The following WARS2 variants were observed in gnomAD, a reference collection of about 807,000 sequenced individuals.
The protein encoded by WARS2 is tryptophan--tRNA ligase, mitochondrial.
In WARS2, 28 loss-of-function variants were observed where a neutral mutation model predicts 36.5. The observed-to-expected ratio is 0.77, with a 90% confidence interval of 0.57 to 1.05. WARS2 has a LOEUF of 1.05. Ranked by LOEUF, WARS2 falls within the 50% of genes least tolerant of loss-of-function variation. WARS2 has a pLI of 0.00. For missense variants in WARS2, 435 were observed against 456.8 expected (o/e 0.95, Z 0.44); for synonymous variants, 174 against 178.4 (o/e 0.98, Z 0.20).
At chr1:119,131,195 G>A (rs191758332) in intron 1 of WARS2, among the ~76,000 whole-genome samples, 1 of 152,090 alleles carries the variant, frequency 6.6e-6, no homozygotes, top group Admixed American at 6.5e-5. Context: ...GTTGCTGTTT[G>A]TTTTAAAACA....
intron 3 of WARS2, 113 bp from the exon 4 acceptor site, chr1:119,042,462 T>C: frequency 1.1e-6 from 1 of 870,482 alleles, no homozygotes; most frequent in South Asian, 1.5e-5. Flanking sequence ...TGAAGCCACC[T>C]GTAATAACAT....
chr1:119,075,770 T>C (rs993615762), intron 2 of WARS2, among the ~76,000 whole-genome samples: 5 of 152,328 alleles, frequency 3.3e-5, no homozygotes, highest in African/African-American at 1.2e-4. Flanking sequence ...GATTCATCCA[T>C]AGTGAAGATA....
intron 1 of WARS2, among the ~76,000 whole-genome samples, chr1:119,102,611 TAA>T (rs1653954020): frequency 6.6e-6 from 1 of 152,198 alleles, no homozygotes; most frequent in South Asian, 2.1e-4. Flanking sequence ...TATGGAAATA[TAA>T]AGAGGTTTAC....
intron 4 of WARS2, among the ~76,000 whole-genome samples, chr1:119,039,748 A>ATG (rs1368604286): frequency 6.6e-6 from 1 of 152,082 alleles, no homozygotes; most frequent in Non-Finnish European, 1.5e-5. Context: ...CCTTTCTATT[A>ATG]TGTTTGTTTT....
intron 1 of WARS2, among the ~76,000 whole-genome samples, chr1:119,094,804 C>T (rs1190814291): frequency 6.6e-6 from 1 of 152,096 alleles, no homozygotes; most frequent in Non-Finnish European, 1.5e-5. Context: ...TACATATCTG[C>T]TACTTTGCAT....
intron 4 of WARS2, among the ~76,000 whole-genome samples, chr1:119,041,102 A>G (rs998343342): frequency 6.6e-6 from 1 of 152,208 alleles, no homozygotes; most frequent in African/African-American, 2.4e-5. Flanking sequence ...CGTTTCCATC[A>G]TAATTGCACA....
At chr1:119,084,786 C>T (rs181199358) in intron 1 of WARS2, among the ~76,000 whole-genome samples, 28 of 152,176 alleles carry the variant, frequency 1.8e-4, no homozygotes, top group East Asian at 9.7e-4. Flanking sequence ...ATTCAGGGCA[C>T]GTACTCTGGT....
At chr1:119,108,260 T>A (rs1329908658) in intron 1 of WARS2, among the ~76,000 whole-genome samples, 4 of 152,082 alleles carry the variant, frequency 2.6e-5, no homozygotes, top group African/African-American at 7.2e-5. Flanking sequence ...AGAGAATCGG[T>A]ACAATTTCTT....
Position 119,128,933 on chromosome 1 carries a change from A to G in WARS2, c.90+11622T>C, listed in dbSNP as rs80060608. On this transcript the variant is annotated intron_variant, in intron 1 of 5. Transcript: ENST00000235521. Reference sequence around the variant, plus strand: ...ATATGTTCATATATTCTCAATCAAAATTAAGGAAATATGGTCTGCTAAAGA... The same window carrying G: ...ATATGTTCATATATTCTCAATCAAAGTTAAGGAAATATGGTCTGCTAAAGA... 1.7e-4 allele frequency among the ~76,000 whole-genome samples: 26 copies of G among 152,306 alleles called. No homozygotes were observed. In the East Asian group the frequency reaches 3.9e-3, roughly 23 times the overall value.
chr1:119,045,670 A>C lies in WARS2; in HGVS notation c.349-8T>G. 1 of 1,576,672 alleles carries C rather than the reference A, an allele frequency of 6.3e-7. No homozygotes were observed. Among genetic ancestry groups the C allele is most frequent in the Non-Finnish European group, 8.6e-7 (1 of 1,157,006 alleles). On this transcript the variant is annotated splice_polypyrimidine_tract_variant and splice_region_variant and intron_variant, in intron 2 of 5. Transcript: ENST00000235521. ...TTGTGTGTGTTCAGACACCTAAAGA[A>C]ATAAAATAGAACATTAGTAAAGGTG...
At chr1:119,117,681 G>T (rs779796055) in intron 1 of WARS2, among the ~76,000 whole-genome samples, 1 of 152,156 alleles carries the variant, frequency 6.6e-6, no homozygotes, top group African/African-American at 2.4e-5. Context: ...CTTCCAGAGA[G>T]TCCACTTCAC....
At chr1:119,140,670 T>G, upstream of WARS2, 2 of 1,604,226 alleles carry the variant, frequency 1.2e-6, no homozygotes. Flanking sequence ...GCCGTCTTGT[T>G]TGGAATGACG....
chr1:119,134,932 C>T (rs1341949250), intron 1 of WARS2, among the ~76,000 whole-genome samples: 5 of 152,026 alleles, frequency 3.3e-5, no homozygotes, highest in Non-Finnish European at 1.5e-5. Context: ...AGGTTAGTTA[C>T]AACAGTGACA....
intron 3 of WARS2, 121 bp downstream of exon 3, chr1:119,045,460 TG>T (rs1208227691): frequency 3.3e-5 from 26 of 781,002 alleles, no homozygotes; most frequent in Non-Finnish European, 5.1e-5. Flanking sequence ...AGGTTAAAGA[TG>T]ATGTTCCAAC....
At chr1:119,095,801 T>A (rs1653400781) in intron 1 of WARS2, among the ~76,000 whole-genome samples, 1 of 152,208 alleles carries the variant, frequency 6.6e-6, no homozygotes, top group Non-Finnish European at 1.5e-5. Context: ...CTTATACAAG[T>A]TGTAAAGAAA....
intron 1 of WARS2, among the ~76,000 whole-genome samples, chr1:119,131,471 T>G (rs1452247262): frequency 6.7e-6 from 1 of 150,046 alleles, no homozygotes; most frequent in Non-Finnish European, 1.5e-5. Flanking sequence ...TTTTGTTTTT[T>G]TTTTTTTTGA....
intron 1 of WARS2, among the ~76,000 whole-genome samples, chr1:119,077,133 G>A (rs1398020738): frequency 4.3e-4 from 4 of 9,292 alleles, no homozygotes; most frequent in African/African-American, 7.8e-4. Flanking sequence ...GCGAGACCCC[G>A]TCTCAAAAAA....
At chr1:119,085,836 A>T in intron 1 of WARS2, 1 of 1,610,510 alleles carries the variant, frequency 6.2e-7, no homozygotes, top group Non-Finnish European at 8.5e-7. Flanking sequence ...AAGCCCTCCC[A>T]GGAAGATCCA....
intron 1 of WARS2, among the ~76,000 whole-genome samples, chr1:119,081,085 C>T (rs889771186): frequency 2.0e-5 from 3 of 152,182 alleles, no homozygotes; most frequent in African/African-American, 7.2e-5. Context: ...GGAGCTTCAG[C>T]TCTAGGATTT....
Sources: gnomAD v4.1 joint callset for allele counts (sites outside exome capture counted in the v4.1 genomes callset) on GRCh38, gnomAD v4.1.1 for gene constraint, MANE v1.5 for transcripts, NCBI Gene and HGNC (gene_info 2026-07-23, HGNC 2026-07-21) for gene names.